RAP1GDS1: variants seen among roughly 807,000 people sequenced by gnomAD.
RAP1GDS1 encodes the protein Rap1 GTPase-GDP dissociation stimulator 1, also known as RAP1, GTP-GDP dissociation stimulator 1.
A neutral mutation model predicts 71.1 loss-of-function variants in RAP1GDS1; 35 were observed. The ratio of observed to expected loss-of-function variants is 0.49; its 90% confidence interval spans 0.38 to 0.65. RAP1GDS1 has a LOEUF of 0.65. Among genes scored for constraint, RAP1GDS1 ranks in the 30% least tolerant of loss-of-function variants. RAP1GDS1 has a pLI of 0.00. For missense variants in RAP1GDS1, 663 were observed against 706.1 expected (o/e 0.94, Z 0.69); for synonymous variants, 229 against 243.1 (o/e 0.94, Z 0.54).
intron 2 of RAP1GDS1, among the ~76,000 whole-genome samples, chr4:98,294,154 A>G (rs963654845): frequency 2.0e-5 from 3 of 152,014 alleles, no homozygotes; most frequent in Non-Finnish European, 4.4e-5. Flanking sequence ...TTTCTGTATT[A>G]TCACCATTAA....
At chr4:98,424,004 A>G (rs1440952599) in intron 12 of RAP1GDS1, among the ~76,000 whole-genome samples, 1 of 152,228 alleles carries the variant, frequency 6.6e-6, no homozygotes. Context: ...CAAATTTCAT[A>G]TGGGTTATTC....
At chr4:98,422,492 A>G (rs1749035903) in intron 12 of RAP1GDS1, among the ~76,000 whole-genome samples, 1 of 152,166 alleles carries the variant, frequency 6.6e-6, no homozygotes, top group Non-Finnish European at 1.5e-5. Context: ...CTGGGATTAC[A>G]GGCATGAGCC....
intron 6 of RAP1GDS1, among the ~76,000 whole-genome samples, chr4:98,399,132 CAA>C (rs964718407): frequency 6.6e-6 from 1 of 151,810 alleles, no homozygotes; most frequent in African/African-American, 2.4e-5. Context: ...TAGGCAAAAA[CAA>C]AAGAGAAATG....
chr4:98,388,280 T>TGTTA (rs1312900417), intron 5 of RAP1GDS1, among the ~76,000 whole-genome samples: 1 of 152,186 alleles, frequency 6.6e-6, no homozygotes, highest in East Asian at 1.9e-4. Context: ...GCTTTATTAG[T>TGTTA]GTTATTTCTC....
chr4:98,360,767 C>T (rs947777593), intron 4 of RAP1GDS1, among the ~76,000 whole-genome samples: 1 of 151,958 alleles, frequency 6.6e-6, no homozygotes, highest in Non-Finnish European at 1.5e-5. Context: ...AAAATAAATG[C>T]TACGTAAAAG....
At chr4:98,420,916 A>G (rs1192639924) in intron 11 of RAP1GDS1, among the ~76,000 whole-genome samples, 1 of 152,204 alleles carries the variant, frequency 6.6e-6, no homozygotes, top group East Asian at 1.9e-4. Context: ...GGAATGAATT[A>G]TGTTTATTTA....
intron 4 of RAP1GDS1, among the ~76,000 whole-genome samples, chr4:98,364,958 C>T (rs1047086577): frequency 1.1e-4 from 16 of 151,888 alleles, no homozygotes; most frequent in Admixed American, 1.0e-3. Context: ...GTCAAGGCTG[C>T]AGTGAACTCT....
Position 98,346,111 on chromosome 4 carries a change from C to T in RAP1GDS1, c.235+2850C>T, listed in dbSNP as rs76087126. On this transcript the variant is annotated intron_variant, in intron 3 of 14. Transcript: ENST00000408927. ...GGCCCAACCATCTGTTTTAACAAGT[C>T]CTCTAGGTAATGCTGATGAGTATAA... is the stretch of plus-strand genomic sequence containing the variant. Among the ~76,000 whole-genome samples the T allele has an allele frequency of 2.6e-5, 4 of 152,272 alleles. No individual in the cohort carries two copies. The East Asian group carries it at 7.7e-4, about 29-fold the overall frequency.
At chr4:98,270,707 T>G (rs900276210) in intron 1 of RAP1GDS1, among the ~76,000 whole-genome samples, 2 of 151,330 alleles carry the variant, frequency 1.3e-5, no homozygotes, top group Non-Finnish European at 2.9e-5. Flanking sequence ...ACAGCGCAGT[T>G]CCACTTCCAT....
chr4:98,426,249 T>C (rs573891798), intron 12 of RAP1GDS1, among the ~76,000 whole-genome samples: 20 of 152,196 alleles, frequency 1.3e-4, no homozygotes, highest in African/African-American at 4.3e-4. Context: ...GTTTATAGCC[T>C]GAAATAGGCA....
At chr4:98,341,159 C>T (rs895210706) in intron 2 of RAP1GDS1, among the ~76,000 whole-genome samples, 1 of 152,116 alleles carries the variant, frequency 6.6e-6, no homozygotes, top group Non-Finnish European at 1.5e-5. Flanking sequence ...ACATTCTAAA[C>T]CTATATAGAA....
intron 7 of RAP1GDS1, among the ~76,000 whole-genome samples, chr4:98,413,847 G>A (rs2110175437): frequency 6.6e-6 from 1 of 151,418 alleles, no homozygotes; most frequent in Non-Finnish European, 1.5e-5. Flanking sequence ...CAGTGTAAAA[G>A]TGTTCCTATT....
At chr4:98,417,338 G>T (rs763216908) in intron 8 of RAP1GDS1, 29 bp from the exon 9 acceptor site, 1 of 1,593,224 alleles carries the variant, frequency 6.3e-7, no homozygotes, top group Non-Finnish European at 8.6e-7. Flanking sequence ...TTTTTCTCTT[G>T]CTTAACTATT....
chr4:98,344,967 G>A (rs867932025), intron 3 of RAP1GDS1, among the ~76,000 whole-genome samples: 2 of 152,064 alleles, frequency 1.3e-5, no homozygotes, highest in African/African-American at 4.8e-5. Flanking sequence ...TGGACCATAG[G>A]CATGTGCCAC....
At chr4:98,409,449 CA>C (rs1280486848) in intron 7 of RAP1GDS1, 1 of 154,288 alleles carries the variant, frequency 6.5e-6, no homozygotes, top group African/African-American at 2.4e-5. Context: ...GAATGCCCCA[CA>C]AATTTTACCA....
intron 12 of RAP1GDS1, among the ~76,000 whole-genome samples, chr4:98,423,432 T>G (rs945253599): frequency 2.0e-5 from 3 of 152,252 alleles, no homozygotes; most frequent in African/African-American, 7.2e-5. Context: ...TATACCAAGT[T>G]AAGATATATG....
At chr4:98,264,459 G>C (rs1001222487) in intron 1 of RAP1GDS1, among the ~76,000 whole-genome samples, 7 of 152,090 alleles carry the variant, frequency 4.6e-5, no homozygotes, top group African/African-American at 1.7e-4. Flanking sequence ...TGAAAGAAAA[G>C]TCCTATATAA....
chr4:98,435,387 T>C, intron 13 of RAP1GDS1, among the ~76,000 whole-genome samples: 1 of 152,330 alleles, frequency 6.6e-6, no homozygotes, highest in Non-Finnish European at 1.5e-5. Flanking sequence ...ATATTTTGTA[T>C]ATGAATTATA....
In RAP1GDS1 at chr4:98,330,393, C is replaced by T. The variant is rs990979725; in HGVS notation, c.113-12746C>T. On this transcript the variant is annotated intron_variant, in intron 2 of 14. Coordinates refer to ENST00000408927, the MANE Select transcript of RAP1GDS1 (RefSeq NM_001100427.2). ...GGGGCTCCTCACTTCTCACACGGGG[C>T]GGCCGGGCAGAGGCACTCCTCAGTT... 2.3e-4 allele frequency among the ~76,000 whole-genome samples: 34 copies of T among 149,748 alleles called. No homozygotes were observed. The East Asian group carries it at 3.1e-3, about 13-fold the overall frequency.
Sources: gnomAD v4.1 joint callset for allele counts (sites outside exome capture counted in the v4.1 genomes callset) on GRCh38, gnomAD v4.1.1 for gene constraint, MANE v1.5 for transcripts, NCBI Gene and HGNC (gene_info 2026-07-23, HGNC 2026-07-21) for gene names.